GRM7: variants seen among roughly 807,000 people sequenced by gnomAD.
GRM7 encodes glutamate metabotropic receptor 7, also known as metabotropic glutamate receptor 7.
GRM7 carries 35 observed loss-of-function variants against 84.5 expected under a neutral mutation model. The observed-to-expected ratio is 0.41, with a 90% confidence interval of 0.32 to 0.55. The LOEUF is 0.55. Ranked by LOEUF, GRM7 falls within the 20% of genes least tolerant of loss-of-function variation. The pLI is 0.19. For synonymous variants in GRM7, 487 were observed against 455.1 expected, an observed-to-expected ratio of 1.07 and a Z score of -0.89; for missense variants, 1,003 against 1,194.6, an observed-to-expected ratio of 0.84 and a Z score of 2.36.
intron 1 of GRM7, among the ~76,000 whole-genome samples, chr3:7,096,648 C>A (rs1444816774): frequency 1.3e-5 from 2 of 152,100 alleles, no homozygotes; most frequent in Non-Finnish European, 2.9e-5. Context: ...CATGAGTCAA[C>A]TCAACTTACA....
chr3:7,461,340 T>C (rs1443880807), intron 6 of GRM7, among the ~76,000 whole-genome samples: 1 of 152,118 alleles, frequency 6.6e-6, no homozygotes, highest in Non-Finnish European at 1.5e-5. Context: ...TTTTAAGAAA[T>C]ATTGAGAAAC....
chr3:7,653,568 C>T (rs1699053432), intron 8 of GRM7, among the ~76,000 whole-genome samples: 2 of 152,216 alleles, frequency 1.3e-5, no homozygotes, highest in African/African-American at 4.8e-5. Flanking sequence ...TCCATGGCCA[C>T]CAGATGTAAA....
chr3:7,019,827 A>T (rs1177759073), intron 1 of GRM7, among the ~76,000 whole-genome samples: 6 of 152,218 alleles, frequency 3.9e-5, no homozygotes, highest in African/African-American at 1.4e-4. Flanking sequence ...AATCATCCAA[A>T]TGCACAATTT....
intron 1 of GRM7, among the ~76,000 whole-genome samples, chr3:6,952,532 C>T (rs1025746177): frequency 6.6e-6 from 1 of 152,136 alleles, no homozygotes; most frequent in African/African-American, 2.4e-5. Context: ...CTGAAGAAGT[C>T]TTTTGGGCTC....
chr3:7,099,429 C>T (rs531416047), intron 1 of GRM7, among the ~76,000 whole-genome samples: 51 of 147,596 alleles, frequency 3.5e-4, no homozygotes, highest in Non-Finnish European at 6.6e-4. Context: ...CATGTATATA[C>T]GTATACATTA....
chr3:7,213,042 A>G (rs1174995556), intron 2 of GRM7, among the ~76,000 whole-genome samples: 1 of 152,102 alleles, frequency 6.6e-6, no homozygotes, highest in Non-Finnish European at 1.5e-5. Context: ...TCAGATTTTT[A>G]CCATCCTGAT....
At chr3:7,174,624 C>G (rs1419149780) in intron 2 of GRM7, among the ~76,000 whole-genome samples, 1 of 152,180 alleles carries the variant, frequency 6.6e-6, no homozygotes, top group East Asian at 1.9e-4. Flanking sequence ...TCTTTATTCC[C>G]TGTATCTTGT....
rs35146664 is a variant in GRM7 at position 7,311,597 on chromosome 3, A to ATTT, written c.1033+4957_1033+4959dup. Among the ~76,000 whole-genome samples, 1,191 of 144,450 alleles carry ATTT rather than the reference A, an allele frequency of 8.2e-3. 27 individuals carry two copies. The highest frequency in any genetic ancestry group is 0.029 in the African/African-American group (1,131 of 38,504). 94.8% of individuals were successfully genotyped at this position (144,450 alleles called of 152,430 possible). ...TCTTATGGCACTTGTGTTTCAATAC[A>ATTT]TTTTTTTTTTTTTTGGGATGGAGTC... On this transcript the variant is annotated intron_variant, in intron 4 of 9. Transcript: ENST00000357716.
At chr3:7,728,604 T>C (rs1702210411) in intron 9 of GRM7, among the ~76,000 whole-genome samples, 2 of 152,166 alleles carry the variant, frequency 1.3e-5, no homozygotes, top group South Asian at 4.1e-4. Flanking sequence ...CACAGGACTA[T>C]CTTTATTATC....
intron 7 of GRM7, among the ~76,000 whole-genome samples, chr3:7,546,070 C>A (rs1205447165): frequency 6.6e-6 from 1 of 152,042 alleles, no homozygotes; most frequent in Non-Finnish European, 1.5e-5. Flanking sequence ...ATTAACTCAG[C>A]CCAAATTTAT....
At chr3:7,651,032 A>G (rs773470584) in intron 8 of GRM7, among the ~76,000 whole-genome samples, 4 of 125,772 alleles carry the variant, frequency 3.2e-5, no homozygotes, top group Non-Finnish European at 7.4e-5. Context: ...TTGTGGGGAA[A>G]GAAGGCAGCC....
chr3:7,678,837 A>G (rs528879736), intron 8 of GRM7, among the ~76,000 whole-genome samples: 1 of 152,330 alleles, frequency 6.6e-6, no homozygotes, highest in East Asian at 1.9e-4. Flanking sequence ...TGTCTGATGG[A>G]AATTTTTGTA....
At chr3:7,352,753 T>TA (rs949165993) in intron 4 of GRM7, among the ~76,000 whole-genome samples, 3 of 150,434 alleles carry the variant, frequency 2.0e-5, no homozygotes, top group African/African-American at 7.3e-5. Context: ...TCCCCACCCC[T>TA]AGTGGCAGCA....
chr3:7,287,641 C>T (rs1283327161), intron 2 of GRM7, among the ~76,000 whole-genome samples: 1 of 152,060 alleles, frequency 6.6e-6, no homozygotes, highest in Non-Finnish European at 1.5e-5. Flanking sequence ...GAGAGTGACA[C>T]ATTTTTTTAA....
chr3:7,447,385 A>G (rs1697562931), intron 5 of GRM7, among the ~76,000 whole-genome samples: 1 of 152,094 alleles, frequency 6.6e-6, no homozygotes, highest in African/African-American at 2.4e-5. Flanking sequence ...GTCCCTTAGA[A>G]TTTTGTAAAT....
In GRM7 at chr3:7,661,794, C is replaced by CAAAAAAAAAAAAAAA. The variant is rs71043686; in HGVS notation, c.2452-18243_2452-18229dup. On this transcript the variant is annotated intron_variant, in intron 8 of 9. Coordinates refer to ENST00000357716, the MANE Select transcript of GRM7 (RefSeq NM_000844.4). ...GGGCCACAGAGCGAGGTCTCCGTCT[C>CAAAAAAAAAAAAAAA]AAAAAAAAAAAAAAAAAAAAAAAAA... Among the ~76,000 whole-genome samples the CAAAAAAAAAAAAAAA allele has an allele frequency of 4.8e-3, 136 of 28,192 alleles. 23 individuals carry two copies. The East Asian group carries it at 0.09, about 19-fold the overall frequency. The allele number at this position is 28,192 out of a possible 152,430, so 18.5% of individuals were successfully genotyped here. A position where few individuals can be genotyped will look rare whatever the true frequency, so the allele number is the denominator to read the frequency against.
chr3:7,057,850 C>T (rs1384205471), intron 1 of GRM7, among the ~76,000 whole-genome samples: 1 of 151,816 alleles, frequency 6.6e-6, no homozygotes, highest in Non-Finnish European at 1.5e-5. Flanking sequence ...TGTTTATTTG[C>T]AAATTACAAA....
chr3:7,588,628 G>C (rs1467409267), intron 8 of GRM7, among the ~76,000 whole-genome samples: 1 of 152,136 alleles, frequency 6.6e-6, no homozygotes, highest in Non-Finnish European at 1.5e-5. Flanking sequence ...AGAGATCATA[G>C]AGCAAGGTAT....
chr3:7,314,186 C>T (rs1406306209), intron 4 of GRM7, among the ~76,000 whole-genome samples: 3 of 151,898 alleles, frequency 2.0e-5, no homozygotes, highest in Non-Finnish European at 4.4e-5. Flanking sequence ...TTCATGTGAC[C>T]CTTGCCCAAT....
Sources: allele counts gnomAD v4.1 joint callset (sites outside exome capture counted in the v4.1 genomes callset), GRCh38; gene constraint gnomAD v4.1.1; transcripts MANE v1.5; gene names NCBI Gene and HGNC (gene_info 2026-07-23, HGNC 2026-07-21).